RPRD2: variants seen among roughly 807,000 people sequenced by gnomAD.
RPRD2 encodes regulation of nuclear pre-mRNA domain containing 2, also known as regulation of nuclear pre-mRNA domain-containing protein 2.
Under a neutral mutation model 104.4 loss-of-function variants are expected in RPRD2, and 12 were observed. The observed-to-expected ratio is 0.11, with a 90% CI of 0.07 to 0.19. The LOEUF is 0.19. Among genes scored for constraint, RPRD2 ranks in the 10% least tolerant of loss-of-function variants. RPRD2 has a pLI of 1.00. For missense variants in RPRD2, 1,543 were observed against 1,790.1 expected, an observed-to-expected ratio of 0.86 and a Z score of 2.49; for synonymous variants, 714 against 684.9, an observed-to-expected ratio of 1.04 and a Z score of -0.66.
intron 7 of RPRD2, among the ~76,000 whole-genome samples, chr1:150,453,756 A>G (rs1480020313): frequency 2.6e-5 from 4 of 152,150 alleles, no homozygotes; most frequent in Non-Finnish European, 5.9e-5. Context: ...CCTATCTCTT[A>G]GCATGCCTGC....
Position 150,374,601 on chromosome 1 carries a change from T to C in RPRD2, c.205+9682T>C, listed in dbSNP as rs587735283. On this transcript the variant is annotated intron_variant, in intron 1 of 10. Transcript: ENST00000369068. The stretch of plus-strand genomic sequence containing the variant: ...CTGATGCTCTCTTCCAGTGTCAGAA[T>C]TGAATTGGAGGGCACCTAGCTGGTG... 1.1e-3 allele frequency among the ~76,000 whole-genome samples: 165 copies of C among 152,298 alleles called. 1 individual carries two copies. Among genetic ancestry groups the C allele is most frequent in the African/African-American group, 3.9e-3 (161 of 41,576 alleles).
rs1355421567 is a variant in RPRD2, at chr1:150,474,179, G to T, written c.*845G>T. On this transcript the variant is annotated 3_prime_UTR_variant, in exon 11 of 11. Transcript: ENST00000369068. The stretch of plus-strand genomic sequence containing the variant: ...CTCCCTCAGTTTTTCTTCTGCTGTG[G>T]CCAGAAAGACAGTCACTACAGTTGA... 2.0e-5 allele frequency: 3 copies of T among 152,010 alleles called. No homozygotes were observed. The highest frequency in any genetic ancestry group is 7.3e-5 in the African/African-American group (3 of 41,376). 9.4% of individuals were successfully genotyped at this position (152,010 alleles called of 1,614,324 possible). A position where few individuals can be genotyped will look rare whatever the true frequency, so the allele number is the denominator to read the frequency against.
At position 150,472,539 on chromosome 1, in the gene RPRD2, C is replaced by A; in HGVS notation, c.3591C>A (p.Ser1197=). ...NSTFEHHLPP[S]PLEHGTPFQR... is the part of the protein sequence containing the mutation. ...CATTTGAGCATCATCTTCCCCCATCCCCCTTGGAACATGGGACACCCTTCC... is the reference window on the plus strand; with the variant it reads ...CATTTGAGCATCATCTTCCCCCATCACCCTTGGAACATGGGACACCCTTCC... The change falls in exon 11 of 11, where the codon TCC becomes TCA. Residue 1197 remains serine (S), a synonymous_variant. Transcript: ENST00000369068. The A allele has an allele frequency of 6.2e-7, 1 of 1,613,960 alleles. No homozygotes were observed. The highest frequency in any genetic ancestry group is 1.1e-5 in the South Asian group (1 of 91,080).
chr1:150,409,400 T>G (rs1157399550), intron 1 of RPRD2, among the ~76,000 whole-genome samples: 2 of 152,038 alleles, frequency 1.3e-5, no homozygotes, highest in East Asian at 1.9e-4. Flanking sequence ...TTCCTTCTCT[T>G]TTTTTTTCCT....
chr1:150,378,616 G>T (rs782386151), intron 1 of RPRD2, among the ~76,000 whole-genome samples: 1 of 151,976 alleles, frequency 6.6e-6, no homozygotes, highest in Non-Finnish European at 1.5e-5. Flanking sequence ...AAACAGATTT[G>T]CAAAAATGAA....
At chr1:150,464,414 C>A in intron 9 of RPRD2, 113 bp from the exon 10 acceptor site, 35 of 614,324 alleles carry the variant, frequency 5.7e-5, no homozygotes, top group Middle Eastern at 4.9e-4. Flanking sequence ...ATTTGTGGAT[C>A]AACCACAGAA....
chr1:150,433,942 G>C (rs587651540), intron 2 of RPRD2, among the ~76,000 whole-genome samples: 14 of 148,184 alleles, frequency 9.4e-5, no homozygotes, highest in East Asian at 1.9e-4. Flanking sequence ...CACACACACA[G>C]AGGCATATAA....
At chr1:150,413,556 T>A (rs1553888036) in intron 1 of RPRD2, among the ~76,000 whole-genome samples, 1 of 151,144 alleles carries the variant, frequency 6.6e-6, no homozygotes, top group East Asian at 1.9e-4. Flanking sequence ...TAAGCTGAGA[T>A]CGTGCCATTG....
chr1:150,379,300 A>G (rs1054815857), intron 1 of RPRD2, among the ~76,000 whole-genome samples: 5 of 151,994 alleles, frequency 3.3e-5, no homozygotes, highest in African/African-American at 1.2e-4. Context: ...AAACAAAAAG[A>G]AAGAAAAGAA....
chr1:150,441,099 ATGT>A, intron 3 of RPRD2, 76 bp downstream of exon 3: 2 of 699,306 alleles, frequency 2.9e-6, no homozygotes, highest in Non-Finnish European at 4.9e-6. Context: ...AGATCTGGTC[ATGT>A]TGTATAATAG....
chr1:150,414,503 T>C lies in RPRD2; in HGVS notation c.206-3093T>C, dbSNP rs587638651. ...GAGAATCCTGGAGAACATCAACATT[T>C]AAATGAGGATGATCACGGCCAGACT... On this transcript the variant is annotated intron_variant, in intron 1 of 10. Transcript: ENST00000369068. Among the ~76,000 whole-genome samples the C allele has an allele frequency of 2.0e-5, 3 of 152,200 alleles. No homozygotes were observed. The East Asian group carries it at 5.8e-4, about 29-fold the overall frequency.
rs1668670210 is a variant in RPRD2, at chr1:150,472,674, C to G, written c.3726C>G (p.Asn1242Lys). The G allele has an allele frequency of 6.2e-7, 1 of 1,613,754 alleles. No individual in the cohort carries two copies. The highest frequency in any genetic ancestry group is 1.3e-5 in the African/African-American group (1 of 74,906). Residue 1242 changes from asparagine (N) to lysine (K), a missense_variant, in exon 11 of 11, where the codon AAC becomes AAG. Transcript: ENST00000369068. ...ATCTACCCTCTGTGGATCTTTCGAA[C>G]CCCTTCACAAAGGAGGCAGCCCTGG... ...PTHLPSVDLSNPFTKEAALAH... is the reference protein window; with the variant it reads ...PTHLPSVDLSKPFTKEAALAH...
chr1:150,422,385 A>AT (rs1553889847), intron 2 of RPRD2, among the ~76,000 whole-genome samples: 2 of 147,522 alleles, frequency 1.4e-5, no homozygotes, highest in African/African-American at 2.5e-5. Context: ...ATTAAAATAA[A>AT]AAAATAAAAC....
chr1:150,403,282 A>C (rs1488790332), intron 1 of RPRD2, among the ~76,000 whole-genome samples: 2 of 152,168 alleles, frequency 1.3e-5, no homozygotes, highest in African/African-American at 4.8e-5. Context: ...ATAACATAAA[A>C]TTGACCATTT....
intron 2 of RPRD2, among the ~76,000 whole-genome samples, chr1:150,431,237 G>A (rs971210021): frequency 6.6e-6 from 1 of 151,946 alleles, no homozygotes; most frequent in Non-Finnish European, 1.5e-5. Flanking sequence ...ACAGTTTGGT[G>A]GTTCCTCAAA....
At chr1:150,433,090 C>G (rs938898243) in intron 2 of RPRD2, among the ~76,000 whole-genome samples, 2 of 152,048 alleles carry the variant, frequency 1.3e-5, no homozygotes, top group African/African-American at 4.8e-5. Context: ...TTATTACACA[C>G]TATATCAACA....
chr1:150,433,924 TAC>T lies in RPRD2; in HGVS notation c.336-6983_336-6982del, dbSNP rs71667950. On this transcript the variant is annotated intron_variant, in intron 2 of 10. Transcript: ENST00000369068. ...CATATGTATGTATATATAGTGTGTA[TAC>T]ACACACACACACACAGAGGCATATA... 7.2e-3 allele frequency among the ~76,000 whole-genome samples: 1,016 copies of T among 141,576 alleles called. 8 individuals carry two copies. The highest frequency in any genetic ancestry group is 0.026 in the African/African-American group (933 of 36,218). 92.9% of individuals were successfully genotyped at this position (141,576 alleles called of 152,430 possible).
chr1:150,395,166 C>A (rs1385734172), intron 1 of RPRD2, among the ~76,000 whole-genome samples: 1 of 152,164 alleles, frequency 6.6e-6, no homozygotes, highest in Non-Finnish European at 1.5e-5. Context: ...CCCACTCTTT[C>A]CTCCTGAGTC....
rs1172561034 is a variant in RPRD2, at chr1:150,472,862, T to C, written c.3914T>C (p.Val1305Ala). ...CCCCCTGTTGACCACTCTGGAGTTG[T>C]ACCCTTCCCAGCCCCACCACTGGCA... ...PPPPVDHSGV[V>A]PFPAPPLAEH... is the part of the protein sequence containing the mutation. The change falls in exon 11 of 11, where the codon GTA (valine) becomes GCA (alanine). Residue 1305 changes from valine to alanine, a missense_variant. Transcript: ENST00000369068. The C allele has an allele frequency of 1.2e-6, 2 of 1,612,736 alleles. No individual in the cohort carries two copies. The highest frequency in any genetic ancestry group is 1.3e-5 in the African/African-American group (1 of 74,908).
Sources: allele counts gnomAD v4.1 joint callset (sites outside exome capture counted in the v4.1 genomes callset), GRCh38; gene constraint gnomAD v4.1.1; transcripts MANE v1.5; gene names NCBI Gene and HGNC (gene_info 2026-07-23, HGNC 2026-07-21).